SLC35F3: variants seen among roughly 807,000 people sequenced by gnomAD.
The protein encoded by SLC35F3 is putative thiamine transporter SLC35F3.
A neutral mutation model predicts 49.9 loss-of-function variants in SLC35F3; 25 were observed. That is an observed-to-expected ratio of 0.50 (90% CI 0.37 to 0.70). The LOEUF is 0.70. Among genes scored for constraint, SLC35F3 ranks in the 30% least tolerant of loss-of-function variants. The pLI, the probability that SLC35F3 is intolerant of heterozygous loss-of-function variation, is 0.00. For synonymous variants in SLC35F3, 275 were observed against 265.4 expected, an observed-to-expected ratio of 1.04 and a Z score of -0.35; for missense variants, 525 against 639.8, an observed-to-expected ratio of 0.82 and a Z score of 1.94.
chr1:234,309,841 ATG>A (rs1265414376), intron 4 of SLC35F3, among the ~76,000 whole-genome samples: 2 of 152,374 alleles, frequency 1.3e-5, no homozygotes, highest in Admixed American at 1.3e-4. Flanking sequence ...AGACACACTC[ATG>A]CTAAGTCCCA....
At chr1:234,185,700 A>T (rs1666632856) in intron 2 of SLC35F3, among the ~76,000 whole-genome samples, 1 of 152,216 alleles carries the variant, frequency 6.6e-6, no homozygotes, top group South Asian at 2.1e-4. Flanking sequence ...GGGATACTTA[A>T]GGAGTCCTCA....
intron 2 of SLC35F3, among the ~76,000 whole-genome samples, chr1:234,029,967 A>G (rs953638814): frequency 1.3e-5 from 2 of 152,172 alleles, no homozygotes; most frequent in African/African-American, 4.8e-5. Context: ...TTTTTCTGCC[A>G]TGCTTCTTGG....
chr1:234,283,623 C>T (rs532887166), intron 3 of SLC35F3, among the ~76,000 whole-genome samples: 1 of 152,200 alleles, frequency 6.6e-6, no homozygotes, highest in Non-Finnish European at 1.5e-5. Context: ...ATTCTAGAAT[C>T]ATTGAGAGGG....
At chr1:233,978,732 G>C (rs1169971586) in intron 2 of SLC35F3, among the ~76,000 whole-genome samples, 1 of 152,120 alleles carries the variant, frequency 6.6e-6, no homozygotes, top group African/African-American at 2.4e-5. Flanking sequence ...GAAAATAGTT[G>C]TTAAGGATTA....
chr1:234,004,140 C>T (rs1021088981), intron 2 of SLC35F3, among the ~76,000 whole-genome samples: 3 of 152,044 alleles, frequency 2.0e-5, no homozygotes, highest in East Asian at 1.9e-4. Flanking sequence ...CACGTGGATA[C>T]GACAAATGGG....
At chr1:233,916,811 C>A (rs1661980063) in intron 2 of SLC35F3, among the ~76,000 whole-genome samples, 1 of 152,126 alleles carries the variant, frequency 6.6e-6, no homozygotes, top group African/African-American at 2.4e-5. Flanking sequence ...CTTTAGAAGC[C>A]CATGGACGAG....
At chr1:234,306,628 A>C (rs951877813) in intron 3 of SLC35F3, 4 of 152,198 alleles carry the variant, frequency 2.6e-5, no homozygotes, top group Non-Finnish European at 5.9e-5. Context: ...CCTGGCCATG[A>C]GGCCTTAAAG....
At chr1:234,250,523 G>T (rs1165522318) in intron 3 of SLC35F3, among the ~76,000 whole-genome samples, 2 of 151,186 alleles carry the variant, frequency 1.3e-5, no homozygotes, top group African/African-American at 4.9e-5. Context: ...GCGTAGTGGC[G>T]GGCGCCTGTA....
chr1:234,152,381 C>T (rs373931328), intron 2 of SLC35F3, among the ~76,000 whole-genome samples: 47 of 152,202 alleles, frequency 3.1e-4, no homozygotes, highest in Middle Eastern at 3.4e-3. Flanking sequence ...CTATCTCTCC[C>T]CTAGCCTCCC....
intron 2 of SLC35F3, among the ~76,000 whole-genome samples, chr1:234,208,279 G>A (rs1052327108): frequency 7.2e-5 from 11 of 152,182 alleles, no homozygotes; most frequent in Non-Finnish European, 1.5e-4. Flanking sequence ...CGTAAAGTGG[G>A]ACTATAGATA....
At chr1:234,082,074 G>A (rs949736046) in intron 2 of SLC35F3, among the ~76,000 whole-genome samples, 12 of 151,674 alleles carry the variant, frequency 7.9e-5, no homozygotes, top group Admixed American at 6.6e-4. Flanking sequence ...ATCTTTTCTA[G>A]CAATGCTTTC....
intron 2 of SLC35F3, among the ~76,000 whole-genome samples, chr1:233,980,249 C>T (rs971981517): frequency 2.0e-5 from 3 of 152,226 alleles, no homozygotes; most frequent in Admixed American, 6.5e-5. Flanking sequence ...TACTATATAC[C>T]AGACCCTGTG....
At chr1:234,222,835 G>A (rs1369242018) in intron 2 of SLC35F3, among the ~76,000 whole-genome samples, 4 of 152,168 alleles carry the variant, frequency 2.6e-5, no homozygotes, top group East Asian at 1.9e-4. Context: ...ATGCATATTT[G>A]TCTGGGTTTT....
At chr1:233,954,438 G>A (rs1484734022) in intron 2 of SLC35F3, among the ~76,000 whole-genome samples, 1 of 152,186 alleles carries the variant, frequency 6.6e-6, no homozygotes, top group Admixed American at 6.5e-5. Flanking sequence ...GAATACTAAG[G>A]AGGAGGTGTT....
At position 234,306,758 on chromosome 1, in the gene SLC35F3, A is replaced by T. The variant is rs73098006; in HGVS notation, c.609-2343A>T. ...CAATACCAAGCCATATCTGTGCCCTACCTCCCTTCTCCATCCCATCTACAA... is the reference window on the plus strand; with the variant it reads ...CAATACCAAGCCATATCTGTGCCCTTCCTCCCTTCTCCATCCCATCTACAA... On this transcript the variant is annotated intron_variant, in intron 3 of 7. Transcript: ENST00000366618. 8.4e-3 allele frequency among the ~76,000 whole-genome samples: 1,283 copies of T among 152,048 alleles called. 15 individuals carry two copies. The highest frequency in any genetic ancestry group is 0.029 in the African/African-American group (1,212 of 41,478).
At chr1:234,171,534 A>T (rs1357466596) in intron 2 of SLC35F3, among the ~76,000 whole-genome samples, 1 of 152,188 alleles carries the variant, frequency 6.6e-6, no homozygotes, top group Admixed American at 6.5e-5. Flanking sequence ...CCTGGCTTCC[A>T]AGCCCACCAA....
chr1:234,232,081 G>T (rs1275908284), intron 3 of SLC35F3, among the ~76,000 whole-genome samples: 1 of 152,136 alleles, frequency 6.6e-6, no homozygotes, highest in African/African-American at 2.4e-5. Flanking sequence ...GCAAGCTTGG[G>T]GTGAGGACCG....
At position 234,293,456 on chromosome 1, in the gene SLC35F3, C is replaced by T. The variant is rs73095810; in HGVS notation, c.609-15645C>T. Among the ~76,000 whole-genome samples the T allele has an allele frequency of 6.1e-3, 926 of 152,314 alleles. 4 individuals are homozygous for T. The highest frequency in any genetic ancestry group is 0.021 in the African/African-American group (876 of 41,584). ...ATTTTGAATCCTTGAATCTCTGTGTCGTCTTCAAGGGTGAACTATGCATGT... is the reference window on the plus strand; with the variant it reads ...ATTTTGAATCCTTGAATCTCTGTGTTGTCTTCAAGGGTGAACTATGCATGT... On this transcript the variant is annotated intron_variant, in intron 3 of 7. Coordinates refer to ENST00000366618, the MANE Select transcript of SLC35F3 (RefSeq NM_173508.4).
At chr1:233,992,182 C>A (rs1298197287) in intron 2 of SLC35F3, among the ~76,000 whole-genome samples, 2 of 152,106 alleles carry the variant, frequency 1.3e-5, no homozygotes, top group Admixed American at 6.5e-5. Flanking sequence ...AGGGACACCC[C>A]CTCTGTTCAT....
Sources: allele counts gnomAD v4.1 joint callset (sites outside exome capture counted in the v4.1 genomes callset), GRCh38; gene constraint gnomAD v4.1.1; transcripts MANE v1.5; gene names NCBI Gene and HGNC (gene_info 2026-07-23, HGNC 2026-07-21).